The following NXPH1 variants were observed in gnomAD, a reference collection of about 807,000 sequenced individuals.
NXPH1 encodes neurexophilin 1.
In NXPH1, 5 loss-of-function variants were observed where a neutral mutation model predicts 23.7. The observed-to-expected ratio is 0.21, with a 90% CI of 0.11 to 0.44. The LOEUF (loss-of-function observed/expected upper bound fraction) is 0.44. Ranked by LOEUF, NXPH1 falls within the 20% of genes least tolerant of loss-of-function variation. The pLI is 0.99. For synonymous variants in NXPH1, 144 were observed against 122.2 expected (o/e 1.18, Z -1.18); for missense variants, 324 against 321.6 (o/e 1.01, Z -0.06).
chr7:8,560,667 A>AG (rs1818428551), intron 2 of NXPH1, among the ~76,000 whole-genome samples: 1 of 151,642 alleles, frequency 6.6e-6, no homozygotes, highest in Admixed American at 6.6e-5. Context: ...CTTCCTTCCA[A>AG]GCCATTAGTT....
chr7:8,610,171 T>C (rs1264793288), intron 2 of NXPH1, among the ~76,000 whole-genome samples: 2 of 152,132 alleles, frequency 1.3e-5, no homozygotes, highest in African/African-American at 2.4e-5. Context: ...ATTAGAGATA[T>C]GATTCCAATT....
intron 2 of NXPH1, among the ~76,000 whole-genome samples, chr7:8,482,226 C>T (rs998510306): frequency 2.0e-5 from 3 of 152,148 alleles, no homozygotes; most frequent in Non-Finnish European, 4.4e-5. Context: ...TGCTGGCTTT[C>T]CCAAATGAGT....
chr7:8,656,723 G>A (rs1820589152), intron 2 of NXPH1, among the ~76,000 whole-genome samples: 1 of 150,708 alleles, frequency 6.6e-6, no homozygotes, highest in South Asian at 2.1e-4. Context: ...TCCCCAGAGT[G>A]TGATGTTCCC....
intron 2 of NXPH1, among the ~76,000 whole-genome samples, chr7:8,470,872 T>A (rs1222593764): frequency 7.0e-6 from 1 of 143,704 alleles, no homozygotes; most frequent in African/African-American, 2.9e-5. Flanking sequence ...GAAAATTGAT[T>A]TTTTTTTTTA....
intron 2 of NXPH1, among the ~76,000 whole-genome samples, chr7:8,483,151 C>T (rs1031102849): frequency 6.6e-6 from 1 of 151,906 alleles, no homozygotes; most frequent in Non-Finnish European, 1.5e-5. Context: ...ACCAAAAATT[C>T]CCTATTAATA....
intron 2 of NXPH1, among the ~76,000 whole-genome samples, chr7:8,640,517 T>C (rs904298689): frequency 6.6e-6 from 1 of 152,096 alleles, no homozygotes; most frequent in Non-Finnish European, 1.5e-5. Flanking sequence ...TCTTTACTTG[T>C]CTTTAAATAA....
At chr7:8,538,456 G>A (rs957797164) in intron 2 of NXPH1, among the ~76,000 whole-genome samples, 1 of 151,784 alleles carries the variant, frequency 6.6e-6, no homozygotes, top group African/African-American at 2.4e-5. Flanking sequence ...TGGGACACTG[G>A]GTAAGTTACT....
chr7:8,523,327 T>C (rs931646585), intron 2 of NXPH1, among the ~76,000 whole-genome samples: 1 of 152,234 alleles, frequency 6.6e-6, no homozygotes, highest in African/African-American at 2.4e-5. Context: ...TTCTGGCACC[T>C]GTATATTGAA....
intron 2 of NXPH1, among the ~76,000 whole-genome samples, chr7:8,511,753 T>C (rs1817615891): frequency 6.6e-6 from 1 of 152,146 alleles, no homozygotes; most frequent in African/African-American, 2.4e-5. Flanking sequence ...CTGAATTAGA[T>C]TCTTAGCTTT....
intron 2 of NXPH1, among the ~76,000 whole-genome samples, chr7:8,537,270 C>A (rs1818042092): frequency 6.6e-6 from 1 of 151,940 alleles, no homozygotes; most frequent in Non-Finnish European, 1.5e-5. Context: ...CACCTCCCTG[C>A]TTTCTGAAGT....
chr7:8,653,508 C>T (rs577315933), intron 2 of NXPH1, among the ~76,000 whole-genome samples: 6 of 152,090 alleles, frequency 3.9e-5, no homozygotes, highest in African/African-American at 1.4e-4. Flanking sequence ...GACTTTAAAC[C>T]CTTTTGTATA....
chr7:8,543,862 T>C (rs1003581737), intron 2 of NXPH1, among the ~76,000 whole-genome samples: 19 of 151,692 alleles, frequency 1.3e-4, no homozygotes, highest in Non-Finnish European at 2.7e-4. Flanking sequence ...TAATTTTTTT[T>C]CTAAGCTTAT....
chr7:8,637,233 T>G (rs917221866), intron 2 of NXPH1, among the ~76,000 whole-genome samples: 3 of 151,944 alleles, frequency 2.0e-5, no homozygotes, highest in Non-Finnish European at 2.9e-5. Flanking sequence ...CTCTTTTTTT[T>G]TTTTTGAGAG....
chr7:8,637,780 T>C (rs1820242674), intron 2 of NXPH1, among the ~76,000 whole-genome samples: 1 of 152,210 alleles, frequency 6.6e-6, no homozygotes, highest in South Asian at 2.1e-4. Context: ...GAGATTGATA[T>C]TTTTCTTACA....
At chr7:8,742,192 C>T (rs143163652) in intron 2 of NXPH1, among the ~76,000 whole-genome samples, 511 of 152,198 alleles carry the variant, frequency 3.4e-3, no homozygotes, top group Non-Finnish European at 5.9e-3. Flanking sequence ...CCAGTAAAGA[C>T]ACTTTTGGGT....
chr7:8,716,466 A>C (rs974021509), intron 2 of NXPH1, among the ~76,000 whole-genome samples: 1 of 152,226 alleles, frequency 6.6e-6, no homozygotes, highest in Admixed American at 6.5e-5. Context: ...TTTTGTTTAG[A>C]AAATTTATAA....
At chr7:8,573,795 A>C (rs373117866) in intron 2 of NXPH1, among the ~76,000 whole-genome samples, 2 of 152,156 alleles carry the variant, frequency 1.3e-5, no homozygotes, top group South Asian at 4.1e-4. Flanking sequence ...TCAGCTATCA[A>C]AATTTGAATG....
intron 2 of NXPH1, among the ~76,000 whole-genome samples, chr7:8,737,540 C>G (rs1780282464): frequency 6.6e-6 from 1 of 152,066 alleles, no homozygotes; most frequent in African/African-American, 2.4e-5. Flanking sequence ...GGTAACCTGA[C>G]CTTTCTCTCT....
chr7:8,625,990 T>G (rs1249124466), intron 2 of NXPH1, among the ~76,000 whole-genome samples: 4 of 152,142 alleles, frequency 2.6e-5, no homozygotes, highest in Admixed American at 6.6e-5. Flanking sequence ...CTGTGAATCT[T>G]TTATCTAATC....
Sources: allele counts gnomAD v4.1 joint callset (sites outside exome capture counted in the v4.1 genomes callset), GRCh38; gene constraint gnomAD v4.1.1; transcripts MANE v1.5; gene names NCBI Gene and HGNC (gene_info 2026-07-23, HGNC 2026-07-21).